MYO7B: variants seen among roughly 807,000 people sequenced by gnomAD.
MYO7B encodes unconventional myosin-VIIb.
A neutral mutation model predicts 259.7 loss-of-function variants in MYO7B; 212 were observed. The observed-to-expected ratio is 0.82, with a 90% confidence interval of 0.73 to 0.91. The LOEUF (loss-of-function observed/expected upper bound fraction) is 0.91, where lower values mean the gene tolerates loss of function less well. Among genes scored for constraint, MYO7B ranks in the 40% least tolerant of loss-of-function variants. The probability of loss-of-function intolerance (pLI) is 0.00; values close to 1 mark genes in which losing one functional copy is unlikely to be tolerated. For synonymous variants in MYO7B, 1,197 were observed against 1,166.4 expected, an observed-to-expected ratio of 1.03 and a Z score of -0.54; for missense variants, 2,732 against 2,813.5, an observed-to-expected ratio of 0.97 and a Z score of 0.66.
intron 1 of MYO7B, among the ~76,000 whole-genome samples, chr2:127,542,146 T>A (rs531088301): frequency 6.6e-6 from 1 of 152,358 alleles, no homozygotes; most frequent in African/African-American, 2.4e-5. Context: ...GTCAGTCACA[T>A]GCTATTCATG....
intron 1 of MYO7B, among the ~76,000 whole-genome samples, chr2:127,536,223 A>G (rs1030277420): frequency 6.6e-5 from 10 of 152,192 alleles, no homozygotes; most frequent in Non-Finnish European, 1.3e-4. Context: ...CCCCTGCCAG[A>G]TGTCAGCTGT....
intron 19 of MYO7B, among the ~76,000 whole-genome samples, chr2:127,598,616 A>G (rs1457737634): frequency 5.9e-5 from 9 of 152,230 alleles, no homozygotes; most frequent in Admixed American, 5.2e-4. Context: ...TTTCTCTTTC[A>G]TAGATCGTGC....
At chr2:127,633,852 G>A (rs1453795708) in intron 40 of MYO7B, among the ~76,000 whole-genome samples, 2 of 151,732 alleles carry the variant, frequency 1.3e-5, no homozygotes, top group African/African-American at 2.4e-5. Context: ...GGGCAGTGTC[G>A]CCTCGCGCCC....
intron 39 of MYO7B, among the ~76,000 whole-genome samples, chr2:127,632,911 GC>G (rs1558854369): frequency 6.6e-6 from 1 of 152,152 alleles, no homozygotes; most frequent in East Asian, 1.9e-4. Flanking sequence ...AGAGGTGGGC[GC>G]CCCATAGAGG....
intron 18 of MYO7B, among the ~76,000 whole-genome samples, chr2:127,596,190 C>A (rs1679763177): frequency 6.6e-6 from 1 of 152,200 alleles, no homozygotes; most frequent in Non-Finnish European, 1.5e-5. Flanking sequence ...TTTGTGCCCC[C>A]TCTTGAATTC....
Position 127,580,769 on chromosome 2 carries a change from G to T in MYO7B, c.1027G>T (p.Ala343Ser). The change falls in exon 10 of 48, where the codon GCC becomes TCC. Residue 343 changes from alanine to serine, a missense_variant. By Grantham distance (99) the Ala-to-Ser change is moderately conservative (BLOSUM62 1). Coordinates refer to ENST00000409816, the MANE Select transcript of MYO7B (RefSeq NM_001393586.1). ...AGCTTCGGTCTTCGAGAACCTGGACGCCTCAGACGTGATGGAGACGCCCGC... is the reference window on the plus strand; with the variant it reads ...AGCTTCGGTCTTCGAGAACCTGGACTCCTCAGACGTGATGGAGACGCCCGC... The part of the protein sequence containing the change: ...FMASVFENLD[A>S]SDVMETPAFP... 1 of 1,613,480 alleles carries T rather than the reference G, an allele frequency of 6.2e-7. No homozygotes were observed. Among genetic ancestry groups the T allele is most frequent in the Non-Finnish European group, 8.5e-7 (1 of 1,179,728 alleles).
intron 1 of MYO7B, among the ~76,000 whole-genome samples, chr2:127,542,702 A>G (rs1465544797): frequency 6.6e-6 from 1 of 152,202 alleles, no homozygotes; most frequent in Non-Finnish European, 1.5e-5. Flanking sequence ...ACCGGTGCTC[A>G]GCATATGGAG....
chr2:127,565,450 A>C (rs1449477317), intron 4 of MYO7B, 65 bp downstream of exon 4: 1 of 1,586,244 alleles, frequency 6.3e-7, no homozygotes, highest in East Asian at 2.3e-5. Context: ...CTGGACAGGG[A>C]GAAGAAAATG....
Position 127,622,086 on chromosome 2 carries a change from C to A in MYO7B, c.3630C>A (p.Thr1210=), listed in dbSNP as rs1680865626. 6.5e-7 allele frequency: 1 copy of A among 1,549,580 alleles called. No individual in the cohort carries two copies. Among genetic ancestry groups the A allele is most frequent in the South Asian group, 1.2e-5 (1 of 83,962 alleles). ...ATGGGGTGCGTGCGGAGCCCCCCAC[C>A]TGGCTGGAGCTGCAGGTAGGGGCTG... is the stretch of plus-strand genomic sequence containing the variant. ...YANGVRAEPP[T]WLELQAVKSK... is the part of the protein sequence containing the mutation. The change falls in exon 28 of 48, where the codon ACC becomes ACA. Residue 1210 remains threonine (T), a synonymous_variant. Coordinates refer to ENST00000409816, the MANE Select transcript of MYO7B (RefSeq NM_001393586.1).
chr2:127,605,633 A>G (rs1680133397), intron 19 of MYO7B, among the ~76,000 whole-genome samples: 1 of 152,200 alleles, frequency 6.6e-6, no homozygotes, highest in Admixed American at 6.5e-5. Context: ...GACTGTCATC[A>G]TCCACAAATT....
At chr2:127,550,284 G>A (rs540857213) in intron 1 of MYO7B, among the ~76,000 whole-genome samples, 1 of 152,266 alleles carries the variant, frequency 6.6e-6, no homozygotes, top group East Asian at 1.9e-4. Flanking sequence ...TGAGTGAAAG[G>A]GCCAGGCGCA....
At chr2:127,569,953 T>A in intron 6 of MYO7B, 43 bp downstream of exon 6, 1 of 1,583,548 alleles carries the variant, frequency 6.3e-7, no homozygotes, top group Non-Finnish European at 8.6e-7. Context: ...CCAGCCCCCC[T>A]GGAGCCTTCC....
chr2:127,581,807 G>C (rs1679111704), intron 10 of MYO7B, 84 bp from the exon 11 acceptor site: 2 of 1,584,478 alleles, frequency 1.3e-6, no homozygotes, highest in African/African-American at 1.3e-5. Flanking sequence ...TCACGAGAGG[G>C]AACAAGACTT....
At chr2:127,606,042 A>G in intron 20 of MYO7B, 114 bp downstream of exon 20, 1 of 816,882 alleles carries the variant, frequency 1.2e-6, no homozygotes, top group South Asian at 1.6e-5. Context: ...AGGAAGGATC[A>G]AATCATTCAC....
chr2:127,592,711 C>T (rs1338116338), intron 16 of MYO7B, 83 bp from the exon 17 acceptor site: 3 of 1,512,958 alleles, frequency 2.0e-6, no homozygotes, highest in Admixed American at 2.0e-5. Flanking sequence ...GCTGTGGGCC[C>T]GTGCCCGGTG....
Position 127,633,318 on chromosome 2 carries a change from C to G in MYO7B, c.5466C>G (p.Val1822=). The change falls in exon 40 of 48, where the codon GTC becomes GTG. Residue 1822 remains valine (V), a synonymous_variant. Transcript: ENST00000409816. ...AGGTGGAGGCCGCAGAGCAGAACGT[C>G]TCCCGCATCTGCCACAAGATCTACT... ...QVEVEAAEQN[V]SRICHKIYFP... 1.2e-6 allele frequency: 2 copies of G among 1,612,848 alleles called. No individual in the cohort carries two copies. The highest frequency in any genetic ancestry group is 1.7e-6 in the Non-Finnish European group (2 of 1,179,790).
intron 26 of MYO7B, among the ~76,000 whole-genome samples, chr2:127,618,889 A>T (rs1236110961): frequency 6.6e-6 from 1 of 152,210 alleles, no homozygotes; most frequent in African/African-American, 2.4e-5. Context: ...ATCCAGAGAG[A>T]GCTGATGAGG....
At position 127,627,459 on chromosome 2, in the gene MYO7B, T is replaced by A; in HGVS notation, c.4460+149T>A. ...AAGAATCTACGTATGCGATGGCTTC[T>A]GTACTTCGGAGCCCCACCCTCCTGC... On this transcript the variant is annotated intron_variant, in intron 33 of 47. Coordinates refer to ENST00000409816, the MANE Select transcript of MYO7B (RefSeq NM_001393586.1). The surrounding 1 kb of genome is among the most constrained non-coding windows in gnomAD (Gnocchi z 5.6). 1 of 1,110,992 alleles carries A rather than the reference T, an allele frequency of 9.0e-7. No individual in the cohort carries two copies. 68.8% of individuals were successfully genotyped at this position (1,110,992 alleles called of 1,614,324 possible).
intron 40 of MYO7B, 103 bp from the exon 41 acceptor site, chr2:127,634,073 C>A (rs1207361051): frequency 3.3e-6 from 3 of 916,666 alleles, no homozygotes; most frequent in African/African-American, 1.7e-5. Flanking sequence ...ACATCCAACC[C>A]AAGTTTCATG....
Sources: allele counts gnomAD v4.1 joint callset (sites outside exome capture counted in the v4.1 genomes callset), GRCh38; gene constraint gnomAD v4.1.1; non-coding constraint Gnocchi (gnomAD v3.1); transcripts MANE v1.5; gene names NCBI Gene and HGNC (gene_info 2026-07-23, HGNC 2026-07-21).